TNIP1: variants seen among roughly 807,000 people sequenced by gnomAD.
TNIP1 encodes the protein TNFAIP3 interacting protein 1.
In TNIP1, 22 loss-of-function variants were observed where a neutral mutation model predicts 86.6. The ratio of observed to expected loss-of-function variants is 0.25; its 90% CI spans 0.18 to 0.36. The LOEUF is 0.36. TNIP1 is among the 10% of genes least tolerant of loss of function. The pLI is 1.00. For synonymous variants in TNIP1, 294 were observed against 313.0 expected, an observed-to-expected ratio of 0.94 and a Z score of 0.64; for missense variants, 709 against 820.6, an observed-to-expected ratio of 0.86 and a Z score of 1.66.
At chr5:151,041,181 G>C (rs547741408) in intron 11 of TNIP1, among the ~76,000 whole-genome samples, 3 of 150,506 alleles carry the variant, frequency 2.0e-5, no homozygotes, top group South Asian at 2.1e-4. Flanking sequence ...AGCGATTCTC[G>C]TGCCTCAGTC....
intron 1 of TNIP1, among the ~76,000 whole-genome samples, chr5:151,072,645 A>G (rs1420683653): frequency 6.6e-6 from 1 of 152,130 alleles, no homozygotes. Context: ...CCTTCTCTAT[A>G]CTGTTCCACA....
In TNIP1 at chr5:151,045,851, G is replaced by A. The variant is rs370288608; in HGVS notation, c.936+10C>T. 1.9e-5 allele frequency: 31 copies of A among 1,613,424 alleles called. No individual in the cohort carries two copies. The highest frequency in any genetic ancestry group is 5.5e-5 in the South Asian group (5 of 91,054). ...GGGATCCTCCCACTACTGCCACCTC[G>A]GCCACCTACCTCACTGCGCTGCTGC... On this transcript the variant is annotated intron_variant, in intron 9 of 17. Transcript: ENST00000521591.
At chr5:151,086,537 G>A (rs1764284192) in intron 1 of TNIP1, among the ~76,000 whole-genome samples, 1 of 152,110 alleles carries the variant, frequency 6.6e-6, no homozygotes, top group Non-Finnish European at 1.5e-5. Flanking sequence ...CTTCTAAAGT[G>A]CCCAACACAC....
chr5:151,049,137 C>T (rs1450976637), intron 8 of TNIP1, among the ~76,000 whole-genome samples: 1 of 152,104 alleles, frequency 6.6e-6, no homozygotes, highest in African/African-American at 2.4e-5. Flanking sequence ...AGACATTGAG[C>T]CCTACTGTTC....
At chr5:151,071,000 TGATAATGGGGGAAGCTATGCCTGTTA>T (rs1762762916) in intron 1 of TNIP1, among the ~76,000 whole-genome samples, 1 of 149,772 alleles carries the variant, frequency 6.7e-6, no homozygotes, top group Admixed American at 6.6e-5. Context: ...TGGAGGATGT[TGATAATGGGGGAAGCTATGCCTGTTA>T]GGGGTGGGGG....
chr5:151,058,544 C>A (rs1261337014), intron 5 of TNIP1, among the ~76,000 whole-genome samples: 2 of 152,208 alleles, frequency 1.3e-5, no homozygotes, highest in Non-Finnish European at 2.9e-5. Context: ...TCCACAGCAG[C>A]ATCCAGTTGG....
chr5:151,068,161 T>C (rs576687241), intron 1 of TNIP1, among the ~76,000 whole-genome samples: 1 of 152,234 alleles, frequency 6.6e-6, no homozygotes, highest in East Asian at 1.9e-4. Context: ...GGGAAAACCC[T>C]CTCTGGAGAT....
At chr5:151,086,855 TG>T (rs1366202911) in intron 1 of TNIP1, among the ~76,000 whole-genome samples, 1 of 151,760 alleles carries the variant, frequency 6.6e-6, no homozygotes, top group Non-Finnish European at 1.5e-5. Context: ...AGGAACGAGA[TG>T]GGGGAGAGAA....
At chr5:151,068,296 T>C (rs1477266911) in intron 1 of TNIP1, among the ~76,000 whole-genome samples, 1 of 152,174 alleles carries the variant, frequency 6.6e-6, no homozygotes, top group Non-Finnish European at 1.5e-5. Context: ...GGATGACCAC[T>C]GGGCAGACGG....
At chr5:151,056,176 C>G (rs1204206764) in intron 6 of TNIP1, among the ~76,000 whole-genome samples, 7 of 152,206 alleles carry the variant, frequency 4.6e-5, no homozygotes, top group Non-Finnish European at 7.3e-5. Flanking sequence ...CTACTGGAAC[C>G]AAGGACCATA....
chr5:151,032,161 T>G (rs1756986299), intron 17 of TNIP1, 126 bp downstream of exon 17: 1 of 758,116 alleles, frequency 1.3e-6, no homozygotes, highest in Admixed American at 2.9e-5. Flanking sequence ...AACACTGTTT[T>G]GGAAAGCTGG....
intron 4 of TNIP1, 114 bp from the exon 5 acceptor site, chr5:151,060,509 C>T: frequency 1.2e-6 from 1 of 858,370 alleles, no homozygotes; most frequent in Non-Finnish European, 1.9e-6. Context: ...TTTGAGTACA[C>T]AGGGACCGTT....
intron 5 of TNIP1, among the ~76,000 whole-genome samples, chr5:151,058,125 T>C (rs372627066): frequency 2.0e-5 from 3 of 152,314 alleles, no homozygotes; most frequent in African/African-American, 7.2e-5. Flanking sequence ...TTCACCACAA[T>C]GGCCAGGCTG....
At chr5:151,052,935 G>C (rs1016157125) in intron 6 of TNIP1, among the ~76,000 whole-genome samples, 13 of 152,002 alleles carry the variant, frequency 8.6e-5, no homozygotes, top group Admixed American at 8.5e-4. Flanking sequence ...CGAGTCCTAG[G>C]GGGGCTGAAA....
intron 9 of TNIP1, among the ~76,000 whole-genome samples, chr5:151,045,292 G>A (rs1759005140): frequency 6.6e-6 from 1 of 152,160 alleles, no homozygotes. Context: ...GTTTCGCCAT[G>A]TTGGCCAGGT....
intron 4 of TNIP1, among the ~76,000 whole-genome samples, chr5:151,061,676 C>T (rs1344379741): frequency 6.6e-6 from 1 of 152,150 alleles, no homozygotes; most frequent in Non-Finnish European, 1.5e-5. Context: ...TGGAGTCTCA[C>T]TATCCTGCCC....
upstream of TNIP1, among the ~76,000 whole-genome samples, chr5:151,082,351 G>A (rs1185518766): frequency 2.0e-5 from 3 of 152,208 alleles, no homozygotes; most frequent in Non-Finnish European, 2.9e-5. Context: ...GAGGGAGGAA[G>A]CGATGCAAAC....
At chr5:151,041,229 C>T (rs550224080) in intron 11 of TNIP1, among the ~76,000 whole-genome samples, 5 of 152,106 alleles carry the variant, frequency 3.3e-5, no homozygotes, top group Non-Finnish European at 7.4e-5. Flanking sequence ...CGCCACCACT[C>T]CCAGTTAATA....
upstream of TNIP1, among the ~76,000 whole-genome samples, chr5:151,081,835 C>T (rs1348850065): frequency 6.6e-6 from 1 of 152,138 alleles, no homozygotes; most frequent in Non-Finnish European, 1.5e-5. Context: ...ACTGGGATTT[C>T]CTAGACCGGT....
Sources: gnomAD v4.1 joint callset for allele counts (sites outside exome capture counted in the v4.1 genomes callset) on GRCh38, gnomAD v4.1.1 for gene constraint, MANE v1.5 for transcripts, NCBI Gene and HGNC (gene_info 2026-07-23, HGNC 2026-07-21) for gene names.